Variants in SV2B observed in about 807,000 individuals in gnomAD.
The protein encoded by SV2B is solute carrier family 22 member B2.
A neutral mutation model predicts 73.9 loss-of-function variants in SV2B; 41 were observed. The ratio of observed to expected loss-of-function variants is 0.56; its 90% CI spans 0.43 to 0.72. SV2B has a LOEUF of 0.72. SV2B is among the 30% of genes least tolerant of loss of function. The probability of loss-of-function intolerance (pLI) is 0.00; values close to 1 mark genes in which losing one functional copy is unlikely to be tolerated. For missense variants in SV2B, 764 were observed against 857.8 expected, an observed-to-expected ratio of 0.89 and a Z score of 1.37; for synonymous variants, 314 against 314.2, an observed-to-expected ratio of 1.00 and a Z score of 0.01.
At chr15:91,204,277 C>T (rs1051825398) in intron 1 of SV2B, among the ~76,000 whole-genome samples, 1 of 152,106 alleles carries the variant, frequency 6.6e-6, no homozygotes, top group Non-Finnish European at 1.5e-5. Flanking sequence ...TTTTATTTTA[C>T]AAATCCAAAT....
chr15:91,103,726 T>C (rs1411549725), intron 1 of SV2B, among the ~76,000 whole-genome samples: 1 of 152,142 alleles, frequency 6.6e-6, no homozygotes, highest in Admixed American at 6.5e-5. Context: ...CTAGTCAAAG[T>C]TTCTGTGAAA....
intron 6 of SV2B, among the ~76,000 whole-genome samples, chr15:91,266,206 T>G (rs535880904): frequency 6.6e-6 from 1 of 152,288 alleles, no homozygotes; most frequent in South Asian, 2.1e-4. Flanking sequence ...TTTTTAGGGT[T>G]TAAAAAACAA....
Position 91,136,191 on chromosome 15 carries a change from CAA to C in SV2B, c.-392+35830_-392+35831del, listed in dbSNP as rs1172293750. Among the ~76,000 whole-genome samples the C allele has an allele frequency of 6.6e-6, 1 of 152,150 alleles. No individual in the cohort carries two copies. The highest frequency in any genetic ancestry group is 1.9e-4 in the East Asian group (1 of 5,200). Reference sequence around the variant, plus strand: ...TAAATGCCACTGGTCTCTGATATGCCAAAGAGGGGCCTGCTGGAGAGAACTTA... The same window carrying C: ...TAAATGCCACTGGTCTCTGATATGCCAGAGGGGCCTGCTGGAGAGAACTTA... On this transcript the variant is annotated intron_variant, in intron 1 of 12. Transcript: ENST00000394232. The surrounding 1 kb of genome is among the most constrained non-coding windows in gnomAD (Gnocchi z 5.6).
chr15:91,200,837 A>G (rs572499589), intron 1 of SV2B, among the ~76,000 whole-genome samples: 27 of 152,236 alleles, frequency 1.8e-4, no homozygotes, highest in African/African-American at 5.5e-4. Flanking sequence ...CTTGAGCCCA[A>G]GAGTTCAAGA....
chr15:91,233,235 C>G (rs2046651368), intron 2 of SV2B, among the ~76,000 whole-genome samples: 1 of 152,172 alleles, frequency 6.6e-6, no homozygotes, highest in Non-Finnish European at 1.5e-5. Context: ...CTAGATACAT[C>G]TAATCAAATA....
At chr15:91,134,838 G>A (rs2141166302) in intron 1 of SV2B, among the ~76,000 whole-genome samples, 1 of 152,096 alleles carries the variant, frequency 6.6e-6, no homozygotes, top group East Asian at 1.9e-4. Context: ...ATCATTTCTA[G>A]GCTTCCAGCA....
intron 9 of SV2B, among the ~76,000 whole-genome samples, chr15:91,272,964 C>G (rs1028435443): frequency 6.6e-6 from 1 of 150,868 alleles, no homozygotes. Flanking sequence ...TCCTGAGTAG[C>G]TGGGATTACA....
chr15:91,272,820 A>C (rs917549588), intron 9 of SV2B, among the ~76,000 whole-genome samples: 10 of 143,402 alleles, frequency 7.0e-5, no homozygotes, highest in African/African-American at 2.1e-4. Context: ...ATAAATGAGC[A>C]TATTCGTCTT....
chr15:91,174,110 C>G (rs1287302735), intron 1 of SV2B, among the ~76,000 whole-genome samples: 1 of 152,196 alleles, frequency 6.6e-6, no homozygotes, highest in African/African-American at 2.4e-5. Context: ...AAACAGGTTT[C>G]TGAAGAGCCA....
intron 1 of SV2B, among the ~76,000 whole-genome samples, chr15:91,120,195 A>G (rs2042291848): frequency 1.3e-5 from 2 of 152,188 alleles, no homozygotes; most frequent in African/African-American, 4.8e-5. Flanking sequence ...ACAGTTCCAC[A>G]AGCTTAACAG....
intron 9 of SV2B, among the ~76,000 whole-genome samples, chr15:91,272,193 GT>G (rs1471467717): frequency 2.6e-5 from 4 of 152,166 alleles, no homozygotes; most frequent in Admixed American, 2.6e-4. Context: ...AAACCTGTGA[GT>G]TTTTGGAAAG....
rs2049312213 is a variant in SV2B at position 91,298,036 on chromosome 15, C to T, written c.*5484C>T. 1 of 152,134 alleles carries T rather than the reference C, an allele frequency of 6.6e-6. No individual in the cohort carries two copies. Among genetic ancestry groups the T allele is most frequent in the Non-Finnish European group, 1.5e-5 (1 of 68,016 alleles). 9.4% of individuals were successfully genotyped at this position (152,134 alleles called of 1,614,324 possible). ...GACCTCTGATTCTATAAGCTTCCCCCTAGCTAGGGATGCACGGGGGTGATC... is the reference window on the plus strand; with the variant it reads ...GACCTCTGATTCTATAAGCTTCCCCTTAGCTAGGGATGCACGGGGGTGATC... On this transcript the variant is annotated 3_prime_UTR_variant, in exon 13 of 13. Transcript: ENST00000394232. The surrounding 1 kb of genome is among the most constrained non-coding windows in gnomAD (Gnocchi z 5.4).
chr15:91,145,609 G>A (rs1031507524), intron 1 of SV2B, among the ~76,000 whole-genome samples: 4 of 152,200 alleles, frequency 2.6e-5, no homozygotes, highest in African/African-American at 9.6e-5. Context: ...CCCATCAACA[G>A]TGTATAAGCA....
At chr15:91,165,274 T>C (rs530216044) in intron 1 of SV2B, among the ~76,000 whole-genome samples, 20 of 152,232 alleles carry the variant, frequency 1.3e-4, no homozygotes, top group Non-Finnish European at 2.8e-4. Context: ...GAGGTTGCAG[T>C]GAGCCGAGAT....
intron 1 of SV2B, among the ~76,000 whole-genome samples, chr15:91,202,157 C>G (rs1225412822): frequency 6.6e-6 from 1 of 152,206 alleles, no homozygotes; most frequent in Admixed American, 6.5e-5. Flanking sequence ...CCCCCGTCGC[C>G]TCTGGTCTTC....
chr15:91,143,143 C>A (rs1347160113), intron 1 of SV2B, among the ~76,000 whole-genome samples: 1 of 152,176 alleles, frequency 6.6e-6, no homozygotes, highest in Non-Finnish European at 1.5e-5. Context: ...ATTAATTAAG[C>A]AAAGACTGGA....
intron 10 of SV2B, among the ~76,000 whole-genome samples, chr15:91,282,450 A>G (rs1024262771): frequency 2.6e-5 from 4 of 152,236 alleles, no homozygotes; most frequent in Non-Finnish European, 5.9e-5. Flanking sequence ...ATCATAAATT[A>G]ATAACATACC....
chr15:91,221,701 A>G (rs550713254), intron 1 of SV2B, among the ~76,000 whole-genome samples: 1,920 of 111,234 alleles, frequency 0.017, 54 homozygotes, highest in East Asian at 0.12. Context: ...GCGCACACAC[A>G]CACACACACA....
At chr15:91,190,404 G>T (rs543945341) in intron 1 of SV2B, among the ~76,000 whole-genome samples, 2 of 151,584 alleles carry the variant, frequency 1.3e-5, no homozygotes, top group Admixed American at 1.3e-4. Flanking sequence ...ATGTTTTATA[G>T]TTGTGGTAAA....
Sources: gnomAD v4.1 joint callset for allele counts (sites outside exome capture counted in the v4.1 genomes callset) on GRCh38, gnomAD v4.1.1 for gene constraint, Gnocchi (gnomAD v3.1) non-coding constraint, MANE v1.5 for transcripts, NCBI Gene and HGNC (gene_info 2026-07-23, HGNC 2026-07-21) for gene names.